DNTTIP2: variants seen among roughly 807,000 people sequenced by gnomAD.
The protein encoded by DNTTIP2 is deoxynucleotidyltransferase terminal interacting protein 2.
In DNTTIP2, 47 loss-of-function variants were observed where a neutral mutation model predicts 62.4. The observed-to-expected ratio is 0.75, with a 90% CI of 0.60 to 0.96. The LOEUF (loss-of-function observed/expected upper bound fraction) is 0.96. Ranked by LOEUF, DNTTIP2 falls within the 40% of genes least tolerant of loss-of-function variation. DNTTIP2 has a pLI of 0.00. For missense variants in DNTTIP2, 870 were observed against 849.1 expected, an observed-to-expected ratio of 1.02 and a Z score of -0.31; for synonymous variants, 322 against 300.9, an observed-to-expected ratio of 1.07 and a Z score of -0.73.
Position 93,876,326 on chromosome 1 carries a change from C to T in DNTTIP2, c.1609G>A (p.Glu537Lys), listed in dbSNP as rs536336554. 30 of 1,552,296 alleles carry T rather than the reference C, an allele frequency of 1.9e-5. No individual in the cohort carries two copies. The South Asian group carries it at 3.1e-4, about 16-fold the overall frequency. ...KSEEDSSDHD[E>K]NEDEFSDEED... ...TCATCACTAAACTCATCTTCATTTT[C>T]GTCATGGTCTGATGAATCTTCTTCA... Residue 537 changes from glutamate (E) to lysine (K), a missense_variant, in exon 2 of 7, where the codon GAA (glutamate) becomes AAA (lysine). Physicochemically the swap from Glu to Lys is moderately conservative, Grantham distance 56 (BLOSUM62 1). Coordinates refer to ENST00000436063, the MANE Select transcript of DNTTIP2 (RefSeq NM_014597.5).
chr1:93,877,160 T>C lies in DNTTIP2; in HGVS notation c.775A>G (p.Asn259Asp), dbSNP rs764729684. ...TCATCAAAGTCATTATTATAGAAAT[T>C]TGGCTTATTTATCTCAGAAAGAGAT... ...ARSLSEINKP[N>D]FYNNDFDDDF... is the part of the protein sequence containing the mutation. Residue 259 changes from asparagine to aspartate, a missense_variant, in exon 2 of 7, where the codon AAT (asparagine) becomes GAT (aspartate). Physicochemically the swap from Asn to Asp is conservative, Grantham distance 23 (BLOSUM62 1). Coordinates refer to ENST00000436063, the MANE Select transcript of DNTTIP2 (RefSeq NM_014597.5). 3.0e-5 allele frequency: 49 copies of C among 1,613,060 alleles called. No individual in the cohort carries two copies. In the Middle Eastern group the frequency reaches 6.6e-4, roughly 22 times the overall value.
chr1:93,877,769 T>G lies in DNTTIP2; in HGVS notation c.166A>C (p.Ser56Arg). 1 of 1,612,528 alleles carries G rather than the reference T, an allele frequency of 6.2e-7. No individual in the cohort carries two copies. Among genetic ancestry groups the G allele is most frequent in the South Asian group, 1.1e-5 (1 of 91,082 alleles). The change falls in exon 2 of 7, where the codon AGT becomes CGT. Residue 56 changes from serine to arginine, a missense_variant. Transcript: ENST00000436063. ...GCTTTAGGAGTTCTAGGGATTAAAC[T>G]TTGCTTCCCAGTGGTCTGTGATTCA... ...TAESQTTGKQ[S>R]LIPRTPKARK...
At chr1:93,877,893 A>G in intron 1 of DNTTIP2, 31 bp from the exon 2 acceptor site, 1 of 1,583,474 alleles carries the variant, frequency 6.3e-7, no homozygotes, top group Non-Finnish European at 8.5e-7. Context: ...ACTGTAATTT[A>G]GGTAGGGCTG....
intron 1 of DNTTIP2, 45 bp from the exon 2 acceptor site, chr1:93,877,907 C>T (rs369792309): frequency 9.9e-5 from 154 of 1,559,584 alleles, no homozygotes; most frequent in Non-Finnish European, 1.3e-4. Flanking sequence ...AGGGCTGGAA[C>T]AAGGGCAAAG....
At chr1:93,873,649 A>T (rs767782538) in intron 3 of DNTTIP2, among the ~76,000 whole-genome samples, 3 of 151,238 alleles carry the variant, frequency 2.0e-5, no homozygotes, top group Non-Finnish European at 4.4e-5. Flanking sequence ...AAGAAAAAAA[A>T]GGCCAGGCAC....
At chr1:93,870,559 T>C (rs1011844327) in intron 6 of DNTTIP2, 124 bp downstream of exon 6, 2 of 471,820 alleles carry the variant, frequency 4.2e-6, no homozygotes, top group African/African-American at 4.0e-5. Flanking sequence ...TAAAAATATA[T>C]ATTCATGTTA....
In DNTTIP2 at chr1:93,876,892, A is replaced by G. The variant is rs779440903; in HGVS notation, c.1043T>C (p.Val348Ala). 61 of 1,613,838 alleles carry G rather than the reference A, an allele frequency of 3.8e-5. No individual in the cohort carries two copies. Among genetic ancestry groups the G allele is most frequent in the Non-Finnish European group, 5.0e-5 (59 of 1,179,886 alleles). The part of the protein sequence containing the change: ...RHSTPQNKNA[V>A]SVHSNLNSEA... ...AGAGTTCAGATTAGAGTGCACTGAT[A>G]CAGCATTTTTATTTTGGGGGGTTGA... The change falls in exon 2 of 7, where the codon GTA becomes GCA. Residue 348 changes from valine to alanine, a missense_variant. Transcript: ENST00000436063.
chr1:93,878,164 C>T (rs1656065156), intron 1 of DNTTIP2, among the ~76,000 whole-genome samples: 1 of 151,970 alleles, frequency 6.6e-6, no homozygotes, highest in Non-Finnish European at 1.5e-5. Context: ...ATTAGCGGGG[C>T]GTGTTGGTGC....
At position 93,866,876 on chromosome 1, in the gene DNTTIP2, GCTC is replaced by G. The variant is rs1655734762; in HGVS notation, c.*2972_*2974del. 6.6e-6 allele frequency: 1 copy of G among 152,250 alleles called. No homozygotes were observed. Among genetic ancestry groups the G allele is most frequent in the South Asian group, 2.1e-4 (1 of 4,836 alleles). 9.4% of individuals were successfully genotyped at this position (152,250 alleles called of 1,614,324 possible). A position where few individuals can be genotyped will look rare whatever the true frequency, so the allele number is the denominator to read the frequency against. On this transcript the variant is annotated 3_prime_UTR_variant, in exon 7 of 7. Transcript: ENST00000436063. The stretch of plus-strand genomic sequence containing the variant: ...AGAACATTTTGGGCCAGACGTGGTG[GCTC>G]CTGCCTGTAATCCCAGCACTTTGGG...
intron 3 of DNTTIP2, 71 bp downstream of exon 3, chr1:93,875,574 C>G (rs1397994791): frequency 2.0e-6 from 3 of 1,508,594 alleles, no homozygotes; most frequent in Non-Finnish European, 2.7e-6. Flanking sequence ...AAAATTAAGT[C>G]TTTTACCAAG....
chr1:93,871,875 T>C (rs564060735), intron 5 of DNTTIP2, among the ~76,000 whole-genome samples, 197 bp downstream of exon 5: 2 of 152,328 alleles, frequency 1.3e-5, no homozygotes, highest in South Asian at 2.1e-4. Flanking sequence ...ACACCATCTC[T>C]CTAAATGTGA....
At chr1:93,873,426 TAAA>T (rs576358369) in intron 3 of DNTTIP2, 5,568 of 211,378 alleles carry the variant, frequency 0.026, no homozygotes, top group South Asian at 0.052. Flanking sequence ...ACCCTGACTG[TAAA>T]AAAAAAAAAA....
chr1:93,877,989 C>A, intron 1 of DNTTIP2, 127 bp from the exon 2 acceptor site: 1 of 1,349,590 alleles, frequency 7.4e-7, no homozygotes, highest in East Asian at 2.5e-5. Flanking sequence ...AACAAAAAAA[C>A]CTGCCCAACT....
At chr1:93,877,946 A>G in intron 1 of DNTTIP2, 84 bp from the exon 2 acceptor site, 1 of 1,451,420 alleles carries the variant, frequency 6.9e-7, no homozygotes, top group South Asian at 1.4e-5. Flanking sequence ...CAAAAGCTAA[A>G]ACCCAGTAAA....
chr1:93,877,003 T>G lies in DNTTIP2; in HGVS notation c.932A>C (p.Lys311Thr), dbSNP rs768028876. The G allele has an allele frequency of 3.7e-6, 6 of 1,612,934 alleles. No homozygotes were observed. The South Asian group carries it at 6.6e-5, about 18-fold the overall frequency. The stretch of plus-strand genomic sequence containing the variant: ...CTGAGAACTTTTCTCATTAATTTCT[T>G]TCCCCTCATCTGTTATTCCATTGGC... ...EDANGITDEG[K>T]EINEKSSQLK... The change falls in exon 2 of 7, where the codon AAA becomes ACA. Residue 311 changes from lysine (K) to threonine (T), a missense_variant. Coordinates refer to ENST00000436063, the MANE Select transcript of DNTTIP2 (RefSeq NM_014597.5).
Position 93,875,653 on chromosome 1 carries a change from T to C in DNTTIP2, c.1798A>G (p.Lys600Glu). The C allele has an allele frequency of 6.2e-7, 1 of 1,606,942 alleles. No homozygotes were observed. The highest frequency in any genetic ancestry group is 8.5e-7 in the Non-Finnish European group (1 of 1,178,214). ...CAGCACAATTAACTTACCTCATTTTTCTTTTTCTCCTTGATCTGTGTTAGG... is the reference window on the plus strand; with the variant it reads ...CAGCACAATTAACTTACCTCATTTTCCTTTTTCTCCTTGATCTGTGTTAGG... ...RTLTQIKEKK[K>E]NELLQKAVIT... Residue 600 changes from lysine (K) to glutamate (E), a missense_variant, in exon 3 of 7, where the codon AAA becomes GAA. Lys to Glu is a moderately conservative substitution (Grantham distance 56). Transcript: ENST00000436063.
chr1:93,877,751 G>C lies in DNTTIP2; in HGVS notation c.184C>G (p.Pro62Ala), dbSNP rs756390696. Residue 62 changes from proline (P) to alanine (A), a missense_variant, in exon 2 of 7, where the codon CCT (proline) becomes GCT (alanine). Pro to Ala is a conservative substitution (Grantham distance 27). Coordinates refer to ENST00000436063, the MANE Select transcript of DNTTIP2 (RefSeq NM_014597.5). Reference sequence around the variant, plus strand: ...CTGCTCTTCCTCTTTCTAGCTTTAGGAGTTCTAGGGATTAAACTTTGCTTC... The same window carrying C: ...CTGCTCTTCCTCTTTCTAGCTTTAGCAGTTCTAGGGATTAAACTTTGCTTC... ...TGKQSLIPRT[P>A]KARKRKSRTT... 1.7e-5 allele frequency: 27 copies of C among 1,613,250 alleles called. No homozygotes were observed. Among genetic ancestry groups the C allele is most frequent in the Non-Finnish European group, 2.3e-5 (27 of 1,179,884 alleles).
At position 93,868,192 on chromosome 1, in the gene DNTTIP2, T is replaced by C. The variant is rs1205921044; in HGVS notation, c.*1659A>G. 1 of 152,152 alleles carries C rather than the reference T, an allele frequency of 6.6e-6. No homozygotes were observed. Among genetic ancestry groups the C allele is most frequent in the African/African-American group, 2.4e-5 (1 of 41,428 alleles). 9.4% of individuals were successfully genotyped at this position (152,152 alleles called of 1,614,324 possible). On this transcript the variant is annotated 3_prime_UTR_variant, in exon 7 of 7. Transcript: ENST00000436063. ...CCCATCAAAAAGTGGGTGAAGGATA[T>C]GAACAGACACTTCTCAAAAGAAGAC...
intron 5 of DNTTIP2, 131 bp downstream of exon 5, chr1:93,871,941 C>A: frequency 1.0e-6 from 1 of 985,456 alleles, no homozygotes; most frequent in East Asian, 2.4e-5. Context: ...ATGGCCTATG[C>A]AGATATGTTC....
Sources: allele counts gnomAD v4.1 joint callset (sites outside exome capture counted in the v4.1 genomes callset), GRCh38; gene constraint gnomAD v4.1.1; transcripts MANE v1.5; gene names NCBI Gene and HGNC (gene_info 2026-07-23, HGNC 2026-07-21).